Variants in OR1J2 observed in about 807,000 individuals in gnomAD.
OR1J2 encodes olfactory receptor 1J2.
For synonymous variants in OR1J2, 142 were observed against 99.7 expected (o/e 1.42, Z -2.52); for missense variants, 304 against 246.1 (o/e 1.24, Z -1.57).
chr9:122,464,987 C>A, the OR1J2 span, among the ~76,000 whole-genome samples: 4 of 152,236 alleles, frequency 2.6e-5, no homozygotes, highest in East Asian at 7.7e-4. Context: ...TCATTTGCTG[C>A]TTGATTCTTT....
At chr9:122,579,057 A>G in the OR1J2 span, among the ~76,000 whole-genome samples, 1 of 152,162 alleles carries the variant, frequency 6.6e-6, no homozygotes, top group Non-Finnish European at 1.5e-5. Context: ...ATAGAAAGTC[A>G]TTAAAAAAGA....
chr9:122,483,484 A>AT, the OR1J2 span, among the ~76,000 whole-genome samples: 1 of 152,372 alleles, frequency 6.6e-6, no homozygotes, highest in Non-Finnish European at 1.5e-5. Context: ...TAGGGTTAAC[A>AT]TGCAAACTAT....
chr9:122,486,283 T>G, the OR1J2 span, among the ~76,000 whole-genome samples: 5 of 152,120 alleles, frequency 3.3e-5, no homozygotes, highest in African/African-American at 1.2e-4. Context: ...TGATCCTCAC[T>G]TTGGAGAGGA....
upstream of OR1J2, among the ~76,000 whole-genome samples, chr9:122,508,167 GAGA>G (rs934549689): frequency 3.1e-4 from 47 of 149,846 alleles, no homozygotes; most frequent in African/African-American, 1.1e-3. Flanking sequence ...AAAGGAGAAG[GAGA>G]AGAAGGAGAA....
chr9:122,477,857 G>A, the OR1J2 span: 1 of 1,614,022 alleles, frequency 6.2e-7, no homozygotes, highest in South Asian at 1.1e-5. Flanking sequence ...AACACGGCCT[G>A]CTGCTCTGGC....
the OR1J2 span, among the ~76,000 whole-genome samples, chr9:122,571,641 G>A: frequency 3.2e-4 from 49 of 151,618 alleles, no homozygotes; most frequent in Admixed American, 2.0e-3. Context: ...GCTTGAACCC[G>A]GGAGGCGGAG....
the OR1J2 span, among the ~76,000 whole-genome samples, chr9:122,525,752 G>A: frequency 6.6e-6 from 1 of 152,108 alleles, no homozygotes; most frequent in Non-Finnish European, 1.5e-5. Flanking sequence ...TGGGCAACCC[G>A]CATGGAAACC....
the OR1J2 span, chr9:122,526,936 G>A: frequency 6.3e-5 from 102 of 1,614,016 alleles, no homozygotes; most frequent in Non-Finnish European, 8.0e-5. Flanking sequence ...GCCACATAGC[G>A]GTCATACGCC....
chr9:122,505,217 A>G, the OR1J2 span, among the ~76,000 whole-genome samples: 1 of 152,204 alleles, frequency 6.6e-6, no homozygotes, highest in African/African-American at 2.4e-5. Context: ...AAAAGAATTT[A>G]TTTCTTGCAA....
chr9:122,515,287 T>G (rs922788477), downstream of OR1J2, among the ~76,000 whole-genome samples: 7 of 151,360 alleles, frequency 4.6e-5, no homozygotes, highest in Non-Finnish European at 1.0e-4. Context: ...AACCAGTCCA[T>G]ACTCCCAGGA....
the OR1J2 span, among the ~76,000 whole-genome samples, chr9:122,457,579 G>GA: frequency 6.6e-6 from 1 of 150,984 alleles, no homozygotes; most frequent in Non-Finnish European, 1.5e-5. Context: ...CCATTCATGG[G>GA]AAAAAAATCA....
At chr9:122,454,351 T>C in the OR1J2 span, among the ~76,000 whole-genome samples, 1 of 152,114 alleles carries the variant, frequency 6.6e-6, no homozygotes, top group Non-Finnish European at 1.5e-5. Context: ...ACCCTGTCTC[T>C]ACTAAAAATA....
At chr9:122,449,772 T>C in the OR1J2 span, among the ~76,000 whole-genome samples, 22 of 152,156 alleles carry the variant, frequency 1.4e-4, no homozygotes, top group African/African-American at 5.1e-4. Context: ...AACAAAGAGG[T>C]GCAGCATGCT....
At chr9:122,493,295 A>G in the OR1J2 span, among the ~76,000 whole-genome samples, 1 of 152,058 alleles carries the variant, frequency 6.6e-6, no homozygotes, top group Non-Finnish European at 1.5e-5. Context: ...TCTTCTTTGA[A>G]TGTCTGATAG....
chr9:122,543,635 C>T, the OR1J2 span, among the ~76,000 whole-genome samples: 2 of 152,150 alleles, frequency 1.3e-5, no homozygotes, highest in Admixed American at 6.6e-5. Context: ...GGAAACTTGC[C>T]ATTGGAACCC....
the OR1J2 span, among the ~76,000 whole-genome samples, chr9:122,551,940 T>C: frequency 6.6e-6 from 1 of 152,226 alleles, no homozygotes; most frequent in African/African-American, 2.4e-5. Context: ...TTTTTTATTA[T>C]GAATTATCCA....
chr9:122,533,255 T>C, the OR1J2 span, among the ~76,000 whole-genome samples: 6 of 152,180 alleles, frequency 3.9e-5, no homozygotes, highest in Admixed American at 3.9e-4. Flanking sequence ...CTGTAAGTCT[T>C]GTCTGGTTTT....
chr9:122,562,607 C>T, the OR1J2 span, among the ~76,000 whole-genome samples: 66 of 151,800 alleles, frequency 4.3e-4, no homozygotes, highest in African/African-American at 1.4e-3. Flanking sequence ...TGCCACACCA[C>T]ACTGCACTTC....
At chr9:122,486,338 T>C in the OR1J2 span, among the ~76,000 whole-genome samples, 1 of 152,186 alleles carries the variant, frequency 6.6e-6, no homozygotes, top group African/African-American at 2.4e-5. Context: ...ATTATAGCAC[T>C]AGTATATTGT....
Sources: gnomAD v4.1 joint callset for allele counts (sites outside exome capture counted in the v4.1 genomes callset) on GRCh38, gnomAD v4.1.1 for gene constraint, MANE v1.5 for transcripts, NCBI Gene and HGNC (gene_info 2026-07-23, HGNC 2026-07-21) for gene names.